FOXN3: variants seen among roughly 807,000 people sequenced by gnomAD.
FOXN3 encodes forkhead box N3.
A neutral mutation model predicts 38.4 loss-of-function variants in FOXN3; 7 were observed. The ratio of observed to expected loss-of-function variants is 0.18; its 90% CI spans 0.10 to 0.34. FOXN3 has a LOEUF of 0.34. Among genes scored for constraint, FOXN3 ranks in the 10% least tolerant of loss-of-function variants. The pLI, the probability that FOXN3 is intolerant of heterozygous loss-of-function variation, is 1.00. For synonymous variants in FOXN3, 230 were observed against 242.2 expected, an observed-to-expected ratio of 0.95 and a Z score of 0.47; for missense variants, 456 against 613.4, an observed-to-expected ratio of 0.74 and a Z score of 2.71.
At chr14:89,180,369 G>C (rs73321216) in intron 5 of FOXN3, among the ~76,000 whole-genome samples, 1 of 152,174 alleles carries the variant, frequency 6.6e-6, no homozygotes, top group Admixed American at 6.5e-5. Flanking sequence ...TGGGTCTTGC[G>C]CTAGGCCCGT....
intron 4 of FOXN3, among the ~76,000 whole-genome samples, chr14:89,228,382 C>G (rs1884705592): frequency 6.6e-6 from 1 of 152,150 alleles, no homozygotes; most frequent in Non-Finnish European, 1.5e-5. Context: ...TCAATAAAAC[C>G]TACTGCAAAA....
chr14:89,227,400 T>C (rs182381121), intron 4 of FOXN3, among the ~76,000 whole-genome samples: 212 of 152,350 alleles, frequency 1.4e-3, no homozygotes, highest in African/African-American at 5.0e-3. Flanking sequence ...TCTTCATCAA[T>C]TGGACTCCCT....
intron 3 of FOXN3, among the ~76,000 whole-genome samples, chr14:89,329,790 A>G (rs1306610744): frequency 1.5e-5 from 2 of 134,900 alleles, no homozygotes; most frequent in Non-Finnish European, 3.1e-5. Context: ...CGGGAGGCGG[A>G]GCTTGCAGTG....
intron 1 of FOXN3, among the ~76,000 whole-genome samples, chr14:89,496,425 C>T (rs118077969): frequency 1.4e-3 from 213 of 152,228 alleles, no homozygotes; most frequent in Non-Finnish European, 2.1e-3. Flanking sequence ...CTACACCCCG[C>T]GCCACCTTCC....
intron 1 of FOXN3, among the ~76,000 whole-genome samples, chr14:89,487,748 A>C (rs1893478676): frequency 6.6e-6 from 1 of 152,150 alleles, no homozygotes; most frequent in African/African-American, 2.4e-5. Context: ...TAAGACACAT[A>C]CACAAGCAAC....
intron 4 of FOXN3, among the ~76,000 whole-genome samples, chr14:89,261,018 ATG>A (rs1226544681): frequency 6.6e-6 from 1 of 152,170 alleles, no homozygotes; most frequent in African/African-American, 2.4e-5. Flanking sequence ...GTGTATGTGC[ATG>A]TGTGCGGACT....
intron 1 of FOXN3, among the ~76,000 whole-genome samples, chr14:89,425,963 A>G (rs576002567): frequency 2.4e-4 from 37 of 152,288 alleles, no homozygotes; most frequent in African/African-American, 8.4e-4. Flanking sequence ...CATTTTATCC[A>G]TAAGGCATAC....
At chr14:89,292,158 C>G (rs1200258842) in intron 3 of FOXN3, among the ~76,000 whole-genome samples, 1 of 152,166 alleles carries the variant, frequency 6.6e-6, no homozygotes, top group African/African-American at 2.4e-5. Flanking sequence ...TCTTACTTGC[C>G]AAAGTAACAT....
intron 1 of FOXN3, among the ~76,000 whole-genome samples, chr14:89,589,593 C>T (rs941881710): frequency 1.3e-4 from 20 of 152,152 alleles, no homozygotes; most frequent in East Asian, 3.9e-4. Flanking sequence ...CGAACAGTTG[C>T]GGCCGCACCA....
chr14:89,171,363 A>G (rs916374648), intron 5 of FOXN3, among the ~76,000 whole-genome samples: 3 of 152,214 alleles, frequency 2.0e-5, no homozygotes, highest in Non-Finnish European at 2.9e-5. Flanking sequence ...AACATTAAGC[A>G]ATAGATATTT....
chr14:89,549,976 G>A (rs1214279812), intron 1 of FOXN3, among the ~76,000 whole-genome samples: 3 of 152,204 alleles, frequency 2.0e-5, no homozygotes, highest in Non-Finnish European at 2.9e-5. Context: ...TCAGTGCGAT[G>A]CCTGTGAGCC....
At chr14:89,549,011 CG>C (rs1566695548) in intron 1 of FOXN3, among the ~76,000 whole-genome samples, 12 of 151,376 alleles carry the variant, frequency 7.9e-5, no homozygotes, top group African/African-American at 2.7e-4. Context: ...CCCAGCTACT[CG>C]GGAGGCTGAG....
intron 1 of FOXN3, among the ~76,000 whole-genome samples, chr14:89,466,133 T>C (rs1440864673): frequency 1.3e-5 from 2 of 152,196 alleles, no homozygotes; most frequent in Non-Finnish European, 2.9e-5. Flanking sequence ...TATTCCAGCC[T>C]CCAGCAACGA....
intron 4 of FOXN3, among the ~76,000 whole-genome samples, chr14:89,212,713 T>C (rs1884138799): frequency 1.3e-5 from 2 of 152,146 alleles, no homozygotes; most frequent in Non-Finnish European, 2.9e-5. Flanking sequence ...TTGTATTGCC[T>C]CCCTTTCTGC....
At chr14:89,261,572 T>C (rs1885802248) in intron 4 of FOXN3, among the ~76,000 whole-genome samples, 1 of 152,134 alleles carries the variant, frequency 6.6e-6, no homozygotes. Context: ...GGTGGGTGGA[T>C]TGCCTGAAGT....
chr14:89,181,016 GCA>G (rs149735845), intron 4 of FOXN3, among the ~76,000 whole-genome samples: 57 of 149,236 alleles, frequency 3.8e-4, no homozygotes, highest in African/African-American at 1.3e-3. Context: ...TCATGCACGC[GCA>G]CACACACACA....
intron 4 of FOXN3, among the ~76,000 whole-genome samples, chr14:89,227,998 C>G (rs747978274): frequency 1.3e-5 from 2 of 152,202 alleles, no homozygotes; most frequent in Non-Finnish European, 2.9e-5. Flanking sequence ...CCTCAGCCCC[C>G]CAAAGTGCTA....
At chr14:89,520,262 G>A (rs1596306090) in intron 1 of FOXN3, among the ~76,000 whole-genome samples, 4 of 151,868 alleles carry the variant, frequency 2.6e-5, no homozygotes, top group Admixed American at 2.0e-4. Context: ...GCAAGGTCTC[G>A]CTCTGTCACC....
At chr14:89,333,980 A>G (rs1236148853) in intron 3 of FOXN3, among the ~76,000 whole-genome samples, 143 of 8,394 alleles carry the variant, frequency 0.017, no homozygotes, top group South Asian at 0.04. Context: ...ATATATATAT[A>G]TATATATATA....
Sources: gnomAD v4.1 joint callset for allele counts (sites outside exome capture counted in the v4.1 genomes callset) on GRCh38, gnomAD v4.1.1 for gene constraint, MANE v1.5 for transcripts, NCBI Gene and HGNC (gene_info 2026-07-23, HGNC 2026-07-21) for gene names.